Variants in NRG3 observed in about 807,000 individuals in gnomAD.
NRG3 encodes the protein pro-neuregulin-3, membrane-bound isoform.
A neutral mutation model predicts 66.9 loss-of-function variants in NRG3; 31 were observed. The ratio of observed to expected loss-of-function variants is 0.46; its 90% CI spans 0.35 to 0.63. The LOEUF is 0.63. Ranked by LOEUF, NRG3 falls within the 20% of genes least tolerant of loss-of-function variation. The pLI, the probability that NRG3 is intolerant of heterozygous loss-of-function variation, is 0.00. For synonymous variants in NRG3, 393 were observed against 359.4 expected (o/e 1.09, Z -1.06); for missense variants, 910 against 878.9 (o/e 1.04, Z -0.45).
At chr10:82,227,218 T>C (rs2076210574) in intron 1 of NRG3, among the ~76,000 whole-genome samples, 1 of 152,132 alleles carries the variant, frequency 6.6e-6, no homozygotes, top group Non-Finnish European at 1.5e-5. Context: ...TCATCATCAC[T>C]GCTGCTTTTT....
intron 1 of NRG3, among the ~76,000 whole-genome samples, chr10:82,177,484 T>A (rs1450671977): frequency 6.6e-6 from 1 of 152,194 alleles, no homozygotes; most frequent in African/African-American, 2.4e-5. Context: ...AGACCAAGAT[T>A]TGAAAAGAAG....
chr10:82,977,429 T>C (rs959009774), intron 7 of NRG3, among the ~76,000 whole-genome samples: 11 of 151,904 alleles, frequency 7.2e-5, no homozygotes, highest in African/African-American at 2.7e-4. Flanking sequence ...GCCAACATGG[T>C]GAAACCTCAT....
At position 82,561,022 on chromosome 10, in the gene NRG3, AT is replaced by A. The variant is rs1298235716; in HGVS notation, c.954-177551del. 2.6e-5 allele frequency among the ~76,000 whole-genome samples: 4 copies of A among 151,888 alleles called. No individual in the cohort carries two copies. In the East Asian group the frequency reaches 7.7e-4, roughly 29 times the overall value. On this transcript the variant is annotated intron_variant, in intron 2 of 8. Transcript: ENST00000372141. ...AATATACCAATATTCCTGTTCTATAATTTTCTTTCTTTTACTCTCTTTACTG... is the reference window on the plus strand; with the variant it reads ...AATATACCAATATTCCTGTTCTATAATTTCTTTCTTTTACTCTCTTTACTG...
chr10:82,280,819 G>A (rs1225868666), intron 1 of NRG3, among the ~76,000 whole-genome samples: 2 of 152,148 alleles, frequency 1.3e-5, no homozygotes, highest in Non-Finnish European at 2.9e-5. Context: ...ATGAAGCATG[G>A]GCAATTAACT....
chr10:82,438,501 G>T (rs1454967761), intron 2 of NRG3, among the ~76,000 whole-genome samples: 1 of 152,200 alleles, frequency 6.6e-6, no homozygotes, highest in Non-Finnish European at 1.5e-5. Context: ...CCCAGTGCTG[G>T]CTGCCCCTTC....
intron 1 of NRG3, among the ~76,000 whole-genome samples, chr10:82,237,499 A>G (rs2076812293): frequency 6.6e-6 from 1 of 152,000 alleles, no homozygotes; most frequent in Non-Finnish European, 1.5e-5. Context: ...TACTTTGTGT[A>G]CTCTGTGAAG....
intron 4 of NRG3, among the ~76,000 whole-genome samples, chr10:82,905,463 A>G (rs1239414678): frequency 6.6e-6 from 1 of 152,090 alleles, no homozygotes; most frequent in Non-Finnish European, 1.5e-5. Flanking sequence ...TTAGCACCAA[A>G]ATCTCTATTA....
intron 1 of NRG3, among the ~76,000 whole-genome samples, chr10:82,343,865 G>T (rs2082819312): frequency 6.6e-6 from 1 of 151,972 alleles, no homozygotes; most frequent in Non-Finnish European, 1.5e-5. Flanking sequence ...TAGCCCCAGA[G>T]GGACCTCCAG....
chr10:82,685,114 T>G (rs1198189367), intron 2 of NRG3, among the ~76,000 whole-genome samples: 1 of 151,084 alleles, frequency 6.6e-6, no homozygotes, highest in Non-Finnish European at 1.5e-5. Context: ...AGCAAGACTA[T>G]GTAGATGGCC....
At chr10:82,509,890 A>T (rs1375554471) in intron 2 of NRG3, among the ~76,000 whole-genome samples, 1 of 152,042 alleles carries the variant, frequency 6.6e-6, no homozygotes, top group East Asian at 1.9e-4. Context: ...ACCATTCTGT[A>T]CTGTGCATTT....
intron 1 of NRG3, among the ~76,000 whole-genome samples, chr10:81,956,944 T>C (rs1379753877): frequency 2.0e-5 from 3 of 152,168 alleles, no homozygotes. Flanking sequence ...AACATTAATC[T>C]CTGAGCCATA....
intron 2 of NRG3, among the ~76,000 whole-genome samples, chr10:82,636,561 C>T (rs573128860): frequency 5.9e-5 from 9 of 152,146 alleles, no homozygotes; most frequent in Admixed American, 1.3e-4. Flanking sequence ...ATAATGTACT[C>T]CAGGGTTATC....
intron 2 of NRG3, among the ~76,000 whole-genome samples, chr10:82,527,161 T>C (rs760814752): frequency 1.5e-4 from 23 of 151,974 alleles, no homozygotes; most frequent in Non-Finnish European, 2.9e-4. Flanking sequence ...AAAAAAACTG[T>C]ATTGTATTAC....
At chr10:82,889,100 C>T (rs1173813671) in intron 4 of NRG3, among the ~76,000 whole-genome samples, 1 of 152,064 alleles carries the variant, frequency 6.6e-6, no homozygotes, top group Non-Finnish European at 1.5e-5. Context: ...ACAGGAATGA[C>T]AAAACTCGGT....
intron 2 of NRG3, among the ~76,000 whole-genome samples, chr10:82,443,861 T>C (rs2090569664): frequency 6.6e-6 from 1 of 152,204 alleles, no homozygotes; most frequent in Admixed American, 6.5e-5. Flanking sequence ...AACACAGAGT[T>C]CCTCCATAGT....
intron 2 of NRG3, among the ~76,000 whole-genome samples, chr10:82,511,774 G>C (rs1845187940): frequency 6.6e-6 from 1 of 152,054 alleles, no homozygotes; most frequent in African/African-American, 2.4e-5. Context: ...CAAGGGAAAG[G>C]GGAAGAGTGT....
chr10:81,950,555 G>A (rs1849260625), intron 1 of NRG3, among the ~76,000 whole-genome samples: 1 of 152,294 alleles, frequency 6.6e-6, no homozygotes, highest in Middle Eastern at 3.4e-3. Context: ...TGATGCCGCT[G>A]CTGAAGTGTG....
At chr10:81,908,017 A>G (rs931277931) in intron 1 of NRG3, among the ~76,000 whole-genome samples, 2 of 152,176 alleles carry the variant, frequency 1.3e-5, no homozygotes, top group African/African-American at 2.4e-5. Context: ...GGCCCTCTTT[A>G]ATTTGTTGAT....
intron 1 of NRG3, among the ~76,000 whole-genome samples, chr10:81,956,544 C>T (rs1338005087): frequency 6.6e-6 from 1 of 152,158 alleles, no homozygotes; most frequent in Non-Finnish European, 1.5e-5. Context: ...CTCTCATTCA[C>T]ACACCCATAT....
Sources: allele counts gnomAD v4.1 joint callset (sites outside exome capture counted in the v4.1 genomes callset), GRCh38; gene constraint gnomAD v4.1.1; transcripts MANE v1.5; gene names NCBI Gene and HGNC (gene_info 2026-07-23, HGNC 2026-07-21).